INPP4A: variants seen among roughly 807,000 people sequenced by gnomAD.
The protein encoded by INPP4A is inositol polyphosphate-4-phosphatase, type I, 107kD.
In INPP4A, 33 loss-of-function variants were observed where a neutral mutation model predicts 119.8. The ratio of observed to expected loss-of-function variants is 0.28; its 90% confidence interval spans 0.21 to 0.37. INPP4A has a LOEUF of 0.37. Ranked by LOEUF, INPP4A falls within the 10% of genes least tolerant of loss-of-function variation. The pLI is 1.00. For missense variants in INPP4A, 956 were observed against 1,289.9 expected (o/e 0.74, Z 3.97); for synonymous variants, 496 against 500.7 (o/e 0.99, Z 0.12).
chr2:98,468,716 A>G (rs1227421968), intron 1 of INPP4A, among the ~76,000 whole-genome samples: 1 of 152,142 alleles, frequency 6.6e-6, no homozygotes, highest in Admixed American at 6.5e-5. Context: ...GTGAGACTGC[A>G]GTTTGTGAAG....
intron 1 of INPP4A, among the ~76,000 whole-genome samples, chr2:98,489,208 A>G (rs987594049): frequency 6.6e-6 from 1 of 151,952 alleles, no homozygotes; most frequent in Non-Finnish European, 1.5e-5. Context: ...GAAGGGAGAG[A>G]AATCAGGAGG....
chr2:98,558,137 C>T (rs1694823506), intron 16 of INPP4A, among the ~76,000 whole-genome samples: 1 of 152,158 alleles, frequency 6.6e-6, no homozygotes, highest in Admixed American at 6.5e-5. Context: ...CCAGAGAAGA[C>T]CCCCTTTTTC....
At position 98,452,739 on chromosome 2, in the gene INPP4A, T is replaced by C. The variant is rs370932550; in HGVS notation, c.-166+7654T>C. On this transcript the variant is annotated intron_variant, in intron 1 of 24. Coordinates refer to ENST00000409851, the MANE Select transcript of INPP4A (RefSeq NM_001134225.2). The stretch of plus-strand genomic sequence containing the variant: ...CTCCAAGCATGGCCTGTACTCTCCC[T>C]GTACAGCTCGGTGCTAAAGGAAGCA... Among the ~76,000 whole-genome samples, 17 of 152,172 alleles carry C rather than the reference T, an allele frequency of 1.1e-4. No individual in the cohort carries two copies. In the East Asian group the frequency reaches 1.3e-3, roughly 12 times the overall value.
At chr2:98,586,990 G>T (rs576334173) in intron 24 of INPP4A, among the ~76,000 whole-genome samples, 1 of 152,356 alleles carries the variant, frequency 6.6e-6, no homozygotes, top group African/African-American at 2.4e-5. Context: ...TTTGCTACAT[G>T]TTGAATTCTG....
Position 98,533,355 on chromosome 2 carries a change from C to A in INPP4A, c.152-22C>A, listed in dbSNP as rs764522040. On this transcript the variant is annotated intron_variant, in intron 4 of 24. Coordinates refer to ENST00000409851, the MANE Select transcript of INPP4A (RefSeq NM_001134225.2). ...GAGTCTGGTTTTAAAGGATTCATTT[C>A]TTTCCCGTGTTGATTCTGTAGCTTG... is the stretch of plus-strand genomic sequence containing the variant. 4.7e-6 allele frequency: 7 copies of A among 1,485,384 alleles called. No individual in the cohort carries two copies. The African/African-American group carries it at 5.5e-5, about 12-fold the overall frequency. 92.0% of individuals were successfully genotyped at this position (1,485,384 alleles called of 1,614,324 possible).
In INPP4A at chr2:98,537,191, C is replaced by G. The variant is rs143576153; in HGVS notation, c.468-672C>G. 5.3e-5 allele frequency among the ~76,000 whole-genome samples: 8 copies of G among 152,288 alleles called. No individual in the cohort carries two copies. In the East Asian group the frequency reaches 1.5e-3, roughly 29 times the overall value. ...AAAGGAAATGGTCAGTAGATGGGACCAGACAAAAATTTAGAACCTGATTAA... is the reference window on the plus strand; with the variant it reads ...AAAGGAAATGGTCAGTAGATGGGACGAGACAAAAATTTAGAACCTGATTAA... On this transcript the variant is annotated intron_variant, in intron 7 of 24. Transcript: ENST00000409851.
At chr2:98,504,456 G>A (rs951492590) in intron 1 of INPP4A, among the ~76,000 whole-genome samples, 1 of 152,184 alleles carries the variant, frequency 6.6e-6, no homozygotes, top group Non-Finnish European at 1.5e-5. Flanking sequence ...GTTTCCATGG[G>A]ACCTAGAGGA....
chr2:98,529,865 T>G (rs1297579574), intron 4 of INPP4A, among the ~76,000 whole-genome samples: 1 of 152,220 alleles, frequency 6.6e-6, no homozygotes, highest in Non-Finnish European at 1.5e-5. Context: ...AAACTCTTAT[T>G]AAATCTGTGA....
intron 1 of INPP4A, among the ~76,000 whole-genome samples, chr2:98,475,431 T>C (rs956914000): frequency 5.9e-5 from 9 of 152,190 alleles, no homozygotes; most frequent in African/African-American, 2.2e-4. Context: ...CTTTCTCAGC[T>C]ATTTAAATTT....
chr2:98,467,224 G>T (rs1369366382), intron 1 of INPP4A, among the ~76,000 whole-genome samples: 1 of 152,120 alleles, frequency 6.6e-6, no homozygotes, highest in Non-Finnish European at 1.5e-5. Flanking sequence ...AGCGGGGGGT[G>T]GTTGGGGGAG....
chr2:98,560,422 A>G (rs1348159766), intron 17 of INPP4A, among the ~76,000 whole-genome samples: 1 of 152,186 alleles, frequency 6.6e-6, no homozygotes, highest in Non-Finnish European at 1.5e-5. Context: ...CCCATGAGTC[A>G]GCATAGTGTG....
intron 1 of INPP4A, among the ~76,000 whole-genome samples, chr2:98,453,043 C>A (rs1370042205): frequency 1.3e-5 from 2 of 152,126 alleles, no homozygotes. Flanking sequence ...GTGTTATGTC[C>A]CCTTTTTTGC....
At chr2:98,467,368 A>G (rs1364980440) in intron 1 of INPP4A, among the ~76,000 whole-genome samples, 1 of 152,196 alleles carries the variant, frequency 6.6e-6, no homozygotes, top group Non-Finnish European at 1.5e-5. Context: ...TGCCTGTGCC[A>G]CACTTGCCCC....
rs373989486 is a variant in INPP4A at position 98,566,122 on chromosome 2, C to T, written c.2373C>T (p.Pro791=). 87 of 1,598,952 alleles carry T rather than the reference C, an allele frequency of 5.4e-5. No homozygotes were observed. The highest frequency in any genetic ancestry group is 2.5e-4 in the South Asian group (22 of 88,160). ...GTGGCATGCTGCTGCGAGTGCAGCC[C>T]GTCCTCTTCAACGTGGGCATCAATG... is the stretch of plus-strand genomic sequence containing the variant. ...IQSGMLLRVQ[P]VLFNVGINEQ... is the part of the protein sequence containing the mutation. Residue 791 remains proline, a synonymous_variant, in exon 21 of 25, where the codon CCC becomes CCT. Coordinates refer to ENST00000409851, the MANE Select transcript of INPP4A (RefSeq NM_001134225.2). The surrounding 1 kb of genome is among the most constrained non-coding windows in gnomAD (Gnocchi z 4.2).
At chr2:98,525,122 G>C (rs769602273) in intron 4 of INPP4A, among the ~76,000 whole-genome samples, 1 of 152,152 alleles carries the variant, frequency 6.6e-6, no homozygotes, top group African/African-American at 2.4e-5. Context: ...GAATTCAGTT[G>C]CTAGTGGTTT....
intron 1 of INPP4A, among the ~76,000 whole-genome samples, chr2:98,448,077 C>T (rs1193475650): frequency 3.4e-5 from 5 of 148,622 alleles, no homozygotes; most frequent in African/African-American, 7.5e-5. Context: ...AAATCATGGC[C>T]GGGCGCAGTG....
chr2:98,447,224 A>G (rs915137983), intron 1 of INPP4A, among the ~76,000 whole-genome samples: 2 of 152,222 alleles, frequency 1.3e-5, no homozygotes, highest in Non-Finnish European at 2.9e-5. Context: ...CCACAACATC[A>G]TCAACTACTC....
intron 1 of INPP4A, among the ~76,000 whole-genome samples, chr2:98,451,623 C>T (rs1470135008): frequency 6.6e-6 from 1 of 152,144 alleles, no homozygotes; most frequent in Non-Finnish European, 1.5e-5. Flanking sequence ...TTTCCTGCCC[C>T]TCCCATAGCC....
intron 1 of INPP4A, among the ~76,000 whole-genome samples, chr2:98,518,074 G>T (rs533001779): frequency 6.6e-6 from 1 of 152,296 alleles, no homozygotes; most frequent in East Asian, 1.9e-4. Context: ...CCTACCTTTT[G>T]CCACTTGCAT....
Sources: gnomAD v4.1 joint callset for allele counts (sites outside exome capture counted in the v4.1 genomes callset) on GRCh38, gnomAD v4.1.1 for gene constraint, Gnocchi (gnomAD v3.1) non-coding constraint, MANE v1.5 for transcripts, NCBI Gene and HGNC (gene_info 2026-07-23, HGNC 2026-07-21) for gene names.